Variants in STK32A observed in about 807,000 individuals in gnomAD.
STK32A encodes the protein serine/threonine-protein kinase 32A.
STK32A carries 41 observed loss-of-function variants against 53.2 expected under a neutral mutation model. That is an observed-to-expected ratio of 0.77 (90% CI 0.60 to 1.00). STK32A has a LOEUF of 1.00. Ranked by LOEUF, STK32A falls within the 50% of genes least tolerant of loss-of-function variation. The pLI is 0.00. For missense variants in STK32A, 458 were observed against 485.8 expected, an observed-to-expected ratio of 0.94 and a Z score of 0.54; for synonymous variants, 166 against 162.8, an observed-to-expected ratio of 1.02 and a Z score of -0.15.
At chr5:147,396,811 G>A in the STK32A span, among the ~76,000 whole-genome samples, 30 of 151,180 alleles carry the variant, frequency 2.0e-4, no homozygotes, top group East Asian at 5.0e-3. Context: ...CTAGGGTAGG[G>A]CTAATACACA....
intron 2 of STK32A, chr5:147,240,232 T>A (rs1753510408): frequency 6.6e-6 from 1 of 152,488 alleles, no homozygotes; most frequent in Admixed American, 6.5e-5. Flanking sequence ...GCATGAGTCC[T>A]CCTGATTCTC....
chr5:147,294,419 G>A (rs1271542297), intron 4 of STK32A, among the ~76,000 whole-genome samples: 1 of 151,352 alleles, frequency 6.6e-6, no homozygotes, highest in Non-Finnish European at 1.5e-5. Flanking sequence ...GCACCACCAT[G>A]CCGGGCTAAT....
intron 4 of STK32A, among the ~76,000 whole-genome samples, chr5:147,290,629 A>G (rs1199774636): frequency 6.6e-6 from 1 of 152,158 alleles, no homozygotes; most frequent in Non-Finnish European, 1.5e-5. Flanking sequence ...CCCTGTGGAT[A>G]GAAGGGGTCC....
At chr5:147,280,426 G>A (rs1285991458) in intron 4 of STK32A, among the ~76,000 whole-genome samples, 12 of 147,476 alleles carry the variant, frequency 8.1e-5, no homozygotes, top group African/African-American at 2.7e-4. Context: ...GGGGGGTTGG[G>A]GATGGGGGAG....
intron 5 of STK32A, among the ~76,000 whole-genome samples, chr5:147,338,891 T>C (rs1755268438): frequency 6.6e-6 from 1 of 152,208 alleles, no homozygotes; most frequent in Non-Finnish European, 1.5e-5. Flanking sequence ...TTAAGTTTTA[T>C]TCATTCACAA....
chr5:147,343,670 C>T (rs563631297), intron 6 of STK32A, among the ~76,000 whole-genome samples: 3 of 152,302 alleles, frequency 2.0e-5, no homozygotes, highest in African/African-American at 7.2e-5. Flanking sequence ...ATGAGGTGGT[C>T]ATGGGTTTCT....
intron 4 of STK32A, among the ~76,000 whole-genome samples, chr5:147,283,813 A>G (rs1752186643): frequency 6.6e-6 from 1 of 152,182 alleles, no homozygotes; most frequent in Admixed American, 6.5e-5. Context: ...AAAATTACCA[A>G]GAAAAATGCC....
intron 2 of STK32A, among the ~76,000 whole-genome samples, chr5:147,274,349 T>C (rs1755164657): frequency 6.6e-6 from 1 of 152,174 alleles, no homozygotes. Flanking sequence ...AACCACTACC[T>C]TCAAGGCCCC....
At chr5:147,261,313 A>G (rs1008698581) in intron 2 of STK32A, among the ~76,000 whole-genome samples, 1 of 152,230 alleles carries the variant, frequency 6.6e-6, no homozygotes, top group African/African-American at 2.4e-5. Context: ...TACAGATGGA[A>G]CAATGGTAAG....
intron 3 of STK32A, among the ~76,000 whole-genome samples, chr5:147,278,948 T>G (rs928945033): frequency 6.6e-6 from 1 of 152,174 alleles, no homozygotes; most frequent in Non-Finnish European, 1.5e-5. Context: ...ATGTTACTTG[T>G]TATTGGAATA....
intron 11 of STK32A, among the ~76,000 whole-genome samples, chr5:147,379,862 C>A (rs1317842937): frequency 6.6e-6 from 1 of 152,102 alleles, no homozygotes. Flanking sequence ...CGATCATTTC[C>A]CTTCTAAGTC....
chr5:147,354,971 T>C (rs1020790056), intron 7 of STK32A, among the ~76,000 whole-genome samples: 1 of 152,198 alleles, frequency 6.6e-6, no homozygotes, highest in African/African-American at 2.4e-5. Flanking sequence ...GTATTGTGGG[T>C]AGAAGTCTGC....
intron 7 of STK32A, among the ~76,000 whole-genome samples, chr5:147,356,864 T>A (rs1756272851): frequency 6.6e-6 from 1 of 152,176 alleles, no homozygotes; most frequent in African/African-American, 2.4e-5. Context: ...TAGGGGATAC[T>A]CAACCTGTAC....
chr5:147,350,390 C>T (rs1393166870), intron 6 of STK32A, among the ~76,000 whole-genome samples: 1 of 150,492 alleles, frequency 6.6e-6, no homozygotes, highest in African/African-American at 2.4e-5. Flanking sequence ...TTGAGATAGT[C>T]TCACTCTGTC....
chr5:147,277,365 CA>C (rs930600820), intron 2 of STK32A, among the ~76,000 whole-genome samples: 1 of 151,910 alleles, frequency 6.6e-6, no homozygotes, highest in African/African-American at 2.4e-5. Context: ...AGCATTGACT[CA>C]AAAAACCATG....
chr5:147,367,319 G>A (rs1756801407), intron 8 of STK32A, among the ~76,000 whole-genome samples: 1 of 152,130 alleles, frequency 6.6e-6, no homozygotes, highest in South Asian at 2.1e-4. Flanking sequence ...ACCTGCCTTG[G>A]CCCTGCAAAG....
chr5:147,273,695 T>C (rs1323540326), intron 2 of STK32A, among the ~76,000 whole-genome samples: 2 of 152,208 alleles, frequency 1.3e-5, no homozygotes, highest in African/African-American at 4.8e-5. Context: ...ACAAAGGAGA[T>C]AGAATTGTCT....
intron 4 of STK32A, among the ~76,000 whole-genome samples, chr5:147,289,030 A>G (rs946423657): frequency 2.6e-5 from 4 of 152,100 alleles, no homozygotes; most frequent in South Asian, 2.1e-4. Context: ...CCCATCTCCT[A>G]TGGTTCATTG....
chr5:147,250,801 G>T (rs34064519), intron 2 of STK32A, among the ~76,000 whole-genome samples: 35,089 of 151,628 alleles, frequency 0.23, 4,551 homozygotes, highest in Admixed American at 0.32. Context: ...AATTAGCCGG[G>T]CCTGGTGGCG....
Sources: gnomAD v4.1 joint callset for allele counts (sites outside exome capture counted in the v4.1 genomes callset) on GRCh38, gnomAD v4.1.1 for gene constraint, MANE v1.5 for transcripts, NCBI Gene and HGNC (gene_info 2026-07-23, HGNC 2026-07-21) for gene names.